The following LYN variants were observed in gnomAD, a reference collection of about 807,000 sequenced individuals.
LYN encodes the protein tyrosine-protein kinase Lyn.
In LYN, 12 loss-of-function variants were observed where a neutral mutation model predicts 65.0. The ratio of observed to expected loss-of-function variants is 0.18; its 90% CI spans 0.12 to 0.30. The LOEUF (loss-of-function observed/expected upper bound fraction) is 0.30. Among genes scored for constraint, LYN ranks in the 10% least tolerant of loss-of-function variants. LYN has a pLI of 1.00. For missense variants in LYN, 380 were observed against 623.2 expected (o/e 0.61, Z 4.16); for synonymous variants, 222 against 221.2 (o/e 1.00, Z -0.03).
chr8:56,013,969 T>A lies in LYN; in HGVS notation c.*3859T>A, dbSNP rs539820216. On this transcript the variant is annotated 3_prime_UTR_variant, in exon 13 of 13. Coordinates refer to ENST00000519728, the MANE Select transcript of LYN (RefSeq NM_002350.4). ...AATTATAAACATACAAAGATACCCA[T>A]ACACACATTCTTTACTCAGGGCCCT... 6.6e-6 allele frequency: 1 copy of A among 152,238 alleles called. No homozygotes were observed. The highest frequency in any genetic ancestry group is 1.5e-5 in the Non-Finnish European group (1 of 68,040). The allele number at this position is 152,238 out of a possible 1,614,324, so 9.4% of individuals were successfully genotyped here.
chr8:55,902,573 A>G (rs1395850277), intron 1 of LYN: 1 of 269,872 alleles, frequency 3.7e-6, no homozygotes, highest in Non-Finnish European at 7.4e-6. Context: ...CATGTACCAC[A>G]TTACAATGTT....
intron 10 of LYN, among the ~76,000 whole-genome samples, chr8:55,970,245 C>A (rs914184934): frequency 6.6e-6 from 1 of 152,218 alleles, no homozygotes; most frequent in Non-Finnish European, 1.5e-5. Context: ...CTCCTCTTCT[C>A]GCTCCTTCTT....
At chr8:55,941,389 T>C (rs1563520668) in intron 1 of LYN, among the ~76,000 whole-genome samples, 1 of 152,220 alleles carries the variant, frequency 6.6e-6, no homozygotes, top group Non-Finnish European at 1.5e-5. Flanking sequence ...AGGGGCCATG[T>C]TATCTTGAGC....
chr8:55,899,732 C>T (rs1805208758), intron 1 of LYN, among the ~76,000 whole-genome samples: 1 of 152,158 alleles, frequency 6.6e-6, no homozygotes, highest in Non-Finnish European at 1.5e-5. Flanking sequence ...TCACTGCAAC[C>T]TCTGCCTCCT....
chr8:55,977,171 G>T (rs1563321444), intron 10 of LYN, among the ~76,000 whole-genome samples: 2 of 151,802 alleles, frequency 1.3e-5, no homozygotes, highest in Non-Finnish European at 2.9e-5. Flanking sequence ...GGCAACAAGA[G>T]CAAGACTCTG....
At chr8:55,935,019 C>G (rs1806386944) in intron 1 of LYN, among the ~76,000 whole-genome samples, 1 of 152,150 alleles carries the variant, frequency 6.6e-6, no homozygotes, top group African/African-American at 2.4e-5. Flanking sequence ...ATGCCCACAC[C>G]ATGGACGGAA....
intron 1 of LYN, among the ~76,000 whole-genome samples, chr8:55,915,159 C>T (rs530714108): frequency 5.3e-5 from 8 of 152,152 alleles, no homozygotes; most frequent in African/African-American, 1.2e-4. Flanking sequence ...CAGTTTCCAT[C>T]GCTGTGTTGC....
intron 1 of LYN, among the ~76,000 whole-genome samples, chr8:55,882,571 G>A (rs1804681584): frequency 6.6e-6 from 1 of 152,220 alleles, no homozygotes; most frequent in Non-Finnish European, 1.5e-5. Context: ...ATGCATGGAT[G>A]AGTGTTAACA....
rs551451903 is a variant in LYN at position 55,997,895 on chromosome 8, T to C, written c.1051-451T>C. Among the ~76,000 whole-genome samples, 289 of 151,986 alleles carry C rather than the reference T, an allele frequency of 1.9e-3. 1 individual carries two copies. Among genetic ancestry groups the C allele is most frequent in the Non-Finnish European group, 3.1e-3 (214 of 67,962 alleles). ...GTCAGGAGATCGAGACCATCCTGGC[T>C]AACATGGTGAAACCCCGTCTCTACT... is the stretch of plus-strand genomic sequence containing the variant. On this transcript the variant is annotated intron_variant, in intron 10 of 12. Transcript: ENST00000519728.
intron 1 of LYN, among the ~76,000 whole-genome samples, chr8:55,928,083 C>T (rs1341459953): frequency 6.6e-6 from 1 of 152,076 alleles, no homozygotes; most frequent in Non-Finnish European, 1.5e-5. Flanking sequence ...TTGGTGTAGT[C>T]AGTGTTTTAG....
chr8:55,959,603 T>A (rs1440050606), intron 8 of LYN, among the ~76,000 whole-genome samples: 6 of 152,168 alleles, frequency 3.9e-5, no homozygotes, highest in Non-Finnish European at 8.8e-5. Context: ...TTTTTGCTTT[T>A]TAATTTTTTT....
At chr8:55,981,899 G>A (rs1407507841) in intron 10 of LYN, among the ~76,000 whole-genome samples, 1 of 152,228 alleles carries the variant, frequency 6.6e-6, no homozygotes, top group Non-Finnish European at 1.5e-5. Flanking sequence ...GGAGGAATGA[G>A]AAATTATAAA....
At chr8:55,983,741 C>G (rs114057898) in intron 10 of LYN, among the ~76,000 whole-genome samples, 1 of 152,198 alleles carries the variant, frequency 6.6e-6, no homozygotes, top group African/African-American at 2.4e-5. Context: ...TTCCTTCCCC[C>G]TCACCAGCCA....
intron 1 of LYN, among the ~76,000 whole-genome samples, chr8:55,920,118 AT>A (rs1805902615): frequency 6.6e-6 from 1 of 152,220 alleles, no homozygotes; most frequent in African/African-American, 2.4e-5. Flanking sequence ...TGGGCTGTAA[AT>A]ATAGTAAAAT....
rs758017130 is a variant in LYN, at chr8:56,010,077, A to T, written c.1506A>T (p.Thr502=). The T allele has an allele frequency of 4.2e-5, 67 of 1,614,104 alleles. No individual in the cohort carries two copies. In the Middle Eastern group the frequency reaches 4.9e-4, roughly 12 times the overall value. The change falls in exon 13 of 13, where the codon ACA becomes ACT. Residue 502 remains threonine, a synonymous_variant. Coordinates refer to ENST00000519728, the MANE Select transcript of LYN (RefSeq NM_002350.4). ...YLQSVLDDFY[T]ATEGQYQQQP is the part of the protein sequence containing the mutation. ...AGAGCGTCCTGGATGATTTCTACAC[A>T]GCCACGGAAGGGCAATACCAGCAGC...
Position 55,987,333 on chromosome 8 carries a change from C to T in LYN, c.1051-11013C>T, listed in dbSNP as rs541971423. Among the ~76,000 whole-genome samples the T allele has an allele frequency of 4.0e-5, 6 of 150,096 alleles. No individual in the cohort carries two copies. The East Asian group carries it at 5.9e-4, about 15-fold the overall frequency. ...TGAGGCACAAGAATTGCTCGAGCCC[C>T]GGAGGTGGAGGTTACAGTGAGCCAA... On this transcript the variant is annotated intron_variant, in intron 10 of 12. Coordinates refer to ENST00000519728, the MANE Select transcript of LYN (RefSeq NM_002350.4).
At chr8:55,936,294 G>A (rs1453614516) in intron 1 of LYN, among the ~76,000 whole-genome samples, 1 of 152,108 alleles carries the variant, frequency 6.6e-6, no homozygotes, top group African/African-American at 2.4e-5. Context: ...AAAACTCATG[G>A]ATCTGGAGCT....
intron 1 of LYN, chr8:55,902,683 C>G: frequency 2.4e-6 from 1 of 425,194 alleles, no homozygotes; most frequent in Non-Finnish European, 4.6e-6. Flanking sequence ...TTTTGAAAGT[C>G]AACATTTTTC....
intron 10 of LYN, among the ~76,000 whole-genome samples, chr8:55,990,524 G>A (rs1302885476): frequency 1.3e-5 from 2 of 152,204 alleles, no homozygotes; most frequent in East Asian, 1.9e-4. Context: ...TCCCCCATAA[G>A]AGATGGCTTT....
Sources: gnomAD v4.1 joint callset for allele counts (sites outside exome capture counted in the v4.1 genomes callset) on GRCh38, gnomAD v4.1.1 for gene constraint, MANE v1.5 for transcripts, NCBI Gene and HGNC (gene_info 2026-07-23, HGNC 2026-07-21) for gene names.